The following SGCZ variants were observed in gnomAD, a reference collection of about 807,000 sequenced individuals.
SGCZ encodes the protein zeta-sarcoglycan.
Under a neutral mutation model 41.3 loss-of-function variants are expected in SGCZ, and 40 were observed. That is an observed-to-expected ratio of 0.97 (90% confidence interval 0.75 to 1.26). SGCZ has a LOEUF of 1.26. Among genes scored for constraint, SGCZ ranks in the 50% most tolerant of loss-of-function variants. The pLI is 0.00. For synonymous variants in SGCZ, 206 were observed against 137.5 expected, an observed-to-expected ratio of 1.50 and a Z score of -3.49; for missense variants, 552 against 369.8, an observed-to-expected ratio of 1.49 and a Z score of -4.04.
intron 1 of SGCZ, among the ~76,000 whole-genome samples, chr8:15,223,910 A>C (rs935762758): frequency 1.3e-5 from 2 of 151,818 alleles, no homozygotes; most frequent in African/African-American, 4.9e-5. Flanking sequence ...GGCAGAGTGC[A>C]ACGGTGCAAT....
chr8:14,795,429 T>A (rs971603649), intron 1 of SGCZ, among the ~76,000 whole-genome samples: 1 of 65,162 alleles, frequency 1.5e-5, no homozygotes, highest in African/African-American at 3.2e-5. Flanking sequence ...TACTTTGGGG[T>A]TTTTTTTTCA....
At chr8:14,966,875 TA>T (rs1400824807) in intron 1 of SGCZ, among the ~76,000 whole-genome samples, 3 of 152,166 alleles carry the variant, frequency 2.0e-5, no homozygotes, top group Non-Finnish European at 4.4e-5. Context: ...GCTGTAAATT[TA>T]AACTACAATT....
At chr8:14,964,785 A>G (rs868624785) in intron 1 of SGCZ, among the ~76,000 whole-genome samples, 1 of 152,174 alleles carries the variant, frequency 6.6e-6, no homozygotes, top group Non-Finnish European at 1.5e-5. Context: ...TCAGTTTCCC[A>G]TAGTTCTGAA....
At chr8:14,395,445 C>A (rs1798884992) in intron 2 of SGCZ, among the ~76,000 whole-genome samples, 1 of 152,100 alleles carries the variant, frequency 6.6e-6, no homozygotes, top group Non-Finnish European at 1.5e-5. Context: ...AGACAGGACA[C>A]TTTACAAAGG....
chr8:14,183,739 G>C (rs7018108), intron 4 of SGCZ, among the ~76,000 whole-genome samples: 70,917 of 151,942 alleles, frequency 0.47, 17,787 homozygotes, highest in South Asian at 0.74. Flanking sequence ...AATATTGAAA[G>C]GTTTCCCTGT....
intron 4 of SGCZ, 72 bp downstream of exon 4, chr8:14,237,520 G>A: frequency 7.4e-7 from 1 of 1,356,654 alleles, no homozygotes; most frequent in Non-Finnish European, 1.0e-6. Flanking sequence ...ACAACAACAA[G>A]AACCAAAAAC....
At chr8:14,586,247 T>A (rs1410506658) in intron 1 of SGCZ, among the ~76,000 whole-genome samples, 1 of 152,176 alleles carries the variant, frequency 6.6e-6, no homozygotes, top group Non-Finnish European at 1.5e-5. Context: ...AGAGTCTCAC[T>A]CTGTCACCCA....
chr8:14,111,012 C>A (rs1802354788), intron 5 of SGCZ, among the ~76,000 whole-genome samples: 1 of 151,900 alleles, frequency 6.6e-6, no homozygotes, highest in Non-Finnish European at 1.5e-5. Context: ...TGAGATTGCA[C>A]CACTGCATTC....
At chr8:14,545,378 A>C (rs1382375860) in intron 2 of SGCZ, among the ~76,000 whole-genome samples, 1 of 151,266 alleles carries the variant, frequency 6.6e-6, no homozygotes, top group Non-Finnish European at 1.5e-5. Flanking sequence ...CAAATAAGAC[A>C]ATATTTCAAT....
chr8:14,152,645 C>G (rs1803747102), intron 5 of SGCZ, among the ~76,000 whole-genome samples: 1 of 152,144 alleles, frequency 6.6e-6, no homozygotes, highest in Non-Finnish European at 1.5e-5. Context: ...AAACTTGCAT[C>G]CACCATATGG....
At chr8:14,638,287 T>C (rs1806903163) in intron 1 of SGCZ, among the ~76,000 whole-genome samples, 1 of 151,858 alleles carries the variant, frequency 6.6e-6, no homozygotes, top group Admixed American at 6.6e-5. Context: ...TCATTACAAC[T>C]GCAGAGCAGG....
intron 1 of SGCZ, among the ~76,000 whole-genome samples, chr8:14,966,311 G>T (rs1026399265): frequency 4.0e-5 from 6 of 151,550 alleles, no homozygotes; most frequent in East Asian, 1.9e-4. Context: ...AGGCTATCAG[G>T]TTAAAAATAA....
chr8:14,628,425 C>G (rs1327300052), intron 1 of SGCZ, among the ~76,000 whole-genome samples: 1 of 152,012 alleles, frequency 6.6e-6, no homozygotes. Flanking sequence ...AAACTCACAG[C>G]TAGAGAAAGC....
chr8:14,450,335 C>T (rs532251419), intron 2 of SGCZ, among the ~76,000 whole-genome samples: 35 of 152,282 alleles, frequency 2.3e-4, no homozygotes, highest in African/African-American at 8.2e-4. Context: ...TATGCATATA[C>T]GTGTTTCATT....
In SGCZ at chr8:14,089,137, G is replaced by C. The variant is rs1433734069; in HGVS notation, c.*1306C>G. Among the ~76,000 whole-genome samples, 13 of 151,948 alleles carry C rather than the reference G, an allele frequency of 8.6e-5. No individual in the cohort carries two copies. The highest frequency in any genetic ancestry group is 8.6e-4 in the Admixed American group (13 of 15,198). ...TCAGTATTCTGGAGTTGTTTACTAA[G>C]AGGTCATATACAAAAATAAGCATTG... On this transcript the variant is annotated 3_prime_UTR_variant, in exon 8 of 8. Transcript: ENST00000382080.
intron 4 of SGCZ, among the ~76,000 whole-genome samples, chr8:14,215,945 G>C (rs1805979478): frequency 6.6e-6 from 1 of 152,256 alleles, no homozygotes; most frequent in Non-Finnish European, 1.5e-5. Context: ...CAGTGAAAGA[G>C]TGGGCTAGGG....
intron 2 of SGCZ, among the ~76,000 whole-genome samples, chr8:14,544,127 A>G (rs1803552793): frequency 6.6e-6 from 1 of 152,162 alleles, no homozygotes; most frequent in African/African-American, 2.4e-5. Flanking sequence ...GACTGGCTAG[A>G]GCTGTGGCAG....
intron 2 of SGCZ, among the ~76,000 whole-genome samples, chr8:14,362,164 T>C (rs554757902): frequency 3.3e-5 from 5 of 152,288 alleles, no homozygotes; most frequent in African/African-American, 1.2e-4. Context: ...GAGGAGGCAG[T>C]CTGTCCATTA....
At chr8:14,658,360 C>T (rs1053526241) in intron 1 of SGCZ, among the ~76,000 whole-genome samples, 21 of 152,216 alleles carry the variant, frequency 1.4e-4, no homozygotes, top group African/African-American at 3.6e-4. Context: ...GAACTCATGC[C>T]CTTTCATAGT....
Sources: allele counts gnomAD v4.1 joint callset (sites outside exome capture counted in the v4.1 genomes callset), GRCh38; gene constraint gnomAD v4.1.1; transcripts MANE v1.5; gene names NCBI Gene and HGNC (gene_info 2026-07-23, HGNC 2026-07-21).